Variants in CCDC180 observed in about 807,000 individuals in gnomAD.
CCDC180 encodes the protein coiled-coil domain containing 180, also known as coiled-coil domain-containing protein 180.
CCDC180 carries 154 observed loss-of-function variants against 209.2 expected under a neutral mutation model. The ratio of observed to expected loss-of-function variants is 0.74; its 90% CI spans 0.65 to 0.84. The LOEUF is 0.84. Ranked by LOEUF, CCDC180 falls within the 40% of genes least tolerant of loss-of-function variation. The pLI, the probability that CCDC180 is intolerant of heterozygous loss-of-function variation, is 0.00. For synonymous variants in CCDC180, 778 were observed against 749.1 expected (o/e 1.04, Z -0.63); for missense variants, 1,874 against 1,997.3 (o/e 0.94, Z 1.18).
intron 36 of CCDC180, chr9:97,376,496 G>T (rs560730318): frequency 1.4e-4 from 50 of 348,650 alleles, no homozygotes; most frequent in South Asian, 1.3e-3. Context: ...TGAGCCTAGA[G>T]TCAGATAGAC....
rs762343826 is a variant in CCDC180 at position 97,362,408 on chromosome 9, CT to C, written c.3870del (p.Val1291TyrfsTer44). The C allele has an allele frequency of 6.2e-7, 1 of 1,614,168 alleles. No homozygotes were observed. The highest frequency in any genetic ancestry group is 2.2e-5 in the East Asian group (1 of 44,884). ...RCQPENSGKK[A>X]VPSASATSAG... The stretch of plus-strand genomic sequence containing the variant: ...CAGCCAGAAAACTCTGGGAAGAAGG[CT>C]GTACCCAGTGCCAGTGCTACCTCTG... On this transcript the variant is annotated frameshift_variant, in exon 28 of 37. Transcript: ENST00000529487. LOFTEE classifies it high-confidence loss of function.
intron 25 of CCDC180, among the ~76,000 whole-genome samples, chr9:97,359,248 C>G (rs931217649): frequency 6.6e-6 from 1 of 152,234 alleles, no homozygotes; most frequent in Non-Finnish European, 1.5e-5. Flanking sequence ...CTCTCCAGAA[C>G]AGAAACGTCC....
chr9:97,311,171 T>C (rs992859317), intron 3 of CCDC180, among the ~76,000 whole-genome samples: 1 of 152,164 alleles, frequency 6.6e-6, no homozygotes, highest in African/African-American at 2.4e-5. Context: ...AAATCACCAC[T>C]GGTATAAACC....
intron 24 of CCDC180, 140 bp downstream of exon 24, chr9:97,355,148 TTTTTTTTC>T (rs1469451865): frequency 4.7e-5 from 29 of 615,872 alleles, no homozygotes; most frequent in Non-Finnish European, 5.2e-5. Context: ...AGACACAATC[TTTTTTTTC>T]TTTTTTTCTT....
chr9:97,354,477 A>G, intron 22 of CCDC180, 92 bp from the exon 23 acceptor site: 2 of 1,284,178 alleles, frequency 1.6e-6, no homozygotes, highest in Non-Finnish European at 2.2e-6. Flanking sequence ...CCGGAAGCCT[A>G]GATTAAAAGT....
At chr9:97,346,702 G>C (rs753178721) in intron 19 of CCDC180, among the ~76,000 whole-genome samples, 4 of 152,156 alleles carry the variant, frequency 2.6e-5, no homozygotes, top group Non-Finnish European at 5.9e-5. Flanking sequence ...AACCTCCTGA[G>C]TAGATGGGAC....
In CCDC180 at chr9:97,330,624, G is replaced by T. The variant is rs369445288; in HGVS notation, c.2131G>T (p.Glu711Ter). The T allele has an allele frequency of 6.2e-7, 1 of 1,613,692 alleles. No homozygotes were observed. Among genetic ancestry groups the T allele is most frequent in the Non-Finnish European group, 8.5e-7 (1 of 1,179,896 alleles). ...EGSLNPSLNEENVKGQGEKKE... is the reference protein window; with the variant it reads ...EGSLNPSLNE ...CTCCTTAAACCCATCCCTGAATGAG[G>T]AGAATGTGAAGGGTCAAGGAGAAAA... Residue 711 changes from glutamate (E) to a stop codon, truncating the protein, a stop_gained, in exon 18 of 37, where the codon GAG becomes TAG. Transcript: ENST00000529487. LOFTEE classifies it high-confidence loss of function.
In CCDC180 at chr9:97,357,667, C is replaced by G; in HGVS notation, c.3305C>G (p.Ser1102Cys). The G allele has an allele frequency of 6.2e-7, 1 of 1,613,536 alleles. No individual in the cohort carries two copies. The highest frequency in any genetic ancestry group is 8.5e-7 in the Non-Finnish European group (1 of 1,179,870). ...SNSQTNGLNFSLQQLQNKIKT... is the reference protein window; with the variant it reads ...SNSQTNGLNFCLQQLQNKIKT... ...TCGCAAACAAATGGATTAAATTTCT[C>G]TCTGCAACAGCTTCAGAACAAGATA... Residue 1102 changes from serine (S) to cysteine (C), a missense_variant, in exon 25 of 37, where the codon TCT becomes TGT. Coordinates refer to ENST00000529487, the MANE Select transcript of CCDC180 (RefSeq NM_020893.6).
chr9:97,349,053 G>A, intron 20 of CCDC180, 58 bp from the exon 21 acceptor site: 2 of 1,470,590 alleles, frequency 1.4e-6, no homozygotes, highest in Non-Finnish European at 1.8e-6. Context: ...TTCCAGGAAA[G>A]CAATGTGCTG....
chr9:97,341,968 G>T (rs557242297), intron 18 of CCDC180, among the ~76,000 whole-genome samples: 1 of 152,370 alleles, frequency 6.6e-6, no homozygotes, highest in East Asian at 1.9e-4. Context: ...TGTGGGCATG[G>T]GACCTGCTGA....
At chr9:97,316,962 C>A in intron 8 of CCDC180, 103 bp from the exon 9 acceptor site, 2 of 1,177,432 alleles carry the variant, frequency 1.7e-6, no homozygotes, top group Non-Finnish European at 1.2e-6. Context: ...CCTCACCCTG[C>A]ACCTCCCCTC....
chr9:97,365,533 A>G, intron 29 of CCDC180, 140 bp from the exon 30 acceptor site: 1 of 730,668 alleles, frequency 1.4e-6, no homozygotes, highest in Non-Finnish European at 2.5e-6. Context: ...GAGTGTGCAG[A>G]GGTCCTGGGG....
At chr9:97,341,236 G>A (rs1456424471) in intron 18 of CCDC180, among the ~76,000 whole-genome samples, 6 of 152,070 alleles carry the variant, frequency 3.9e-5, no homozygotes, top group Admixed American at 6.5e-5. Context: ...GGCCACTACC[G>A]GTCTCTGCAC....
intron 21 of CCDC180, 124 bp downstream of exon 21, chr9:97,349,415 T>G: frequency 5.0e-6 from 4 of 799,144 alleles, no homozygotes; most frequent in Non-Finnish European, 7.7e-6. Context: ...GAGCCTTCTT[T>G]TGAGTTAAAC....
intron 25 of CCDC180, among the ~76,000 whole-genome samples, chr9:97,359,100 G>A (rs1826677251): frequency 1.3e-5 from 2 of 152,220 alleles, no homozygotes; most frequent in African/African-American, 4.8e-5. Flanking sequence ...CTGCAGTGCA[G>A]TTGTGCAGAG....
intron 24 of CCDC180, among the ~76,000 whole-genome samples, 153 bp from the exon 25 acceptor site, chr9:97,357,474 A>G (rs1826615315): frequency 6.6e-6 from 1 of 152,138 alleles, no homozygotes; most frequent in African/African-American, 2.4e-5. Flanking sequence ...AATCTTTTTA[A>G]TTTGTATCAA....
chr9:97,360,204 C>G, intron 26 of CCDC180, 103 bp downstream of exon 26: 1 of 1,373,528 alleles, frequency 7.3e-7, no homozygotes, highest in Non-Finnish European at 1.0e-6. Flanking sequence ...AGGGGACTCC[C>G]AGGCCTCCGC....
intron 18 of CCDC180, among the ~76,000 whole-genome samples, chr9:97,336,136 T>C (rs1002342296): frequency 1.3e-5 from 2 of 151,180 alleles, no homozygotes; most frequent in African/African-American, 4.8e-5. Context: ...GTTGCCTGTT[T>C]CTTTCGCTGT....
chr9:97,365,859 C>G (rs1826906464), intron 30 of CCDC180, 120 bp downstream of exon 30: 6 of 809,332 alleles, frequency 7.4e-6, no homozygotes, highest in Non-Finnish European at 1.2e-5. Context: ...CCGCCATGAC[C>G]ACAGCTCCCC....
Sources: gnomAD v4.1 joint callset for allele counts (sites outside exome capture counted in the v4.1 genomes callset) on GRCh38, gnomAD v4.1.1 for gene constraint, MANE v1.5 for transcripts, NCBI Gene and HGNC (gene_info 2026-07-23, HGNC 2026-07-21) for gene names.